The following PLAG1 variants were observed in gnomAD, a reference collection of about 807,000 sequenced individuals.
PLAG1 encodes the protein zinc finger protein PLAG1.
PLAG1 carries 7 observed loss-of-function variants against 35.5 expected under a neutral mutation model. That is an observed-to-expected ratio of 0.20 (90% CI 0.11 to 0.37). PLAG1 has a LOEUF of 0.37. Ranked by LOEUF, PLAG1 falls within the 10% of genes least tolerant of loss-of-function variation. The pLI is 1.00. For synonymous variants in PLAG1, 229 were observed against 225.4 expected, an observed-to-expected ratio of 1.02 and a Z score of -0.14; for missense variants, 454 against 602.8, an observed-to-expected ratio of 0.75 and a Z score of 2.58.
At position 56,160,974 on chromosome 8, in the gene PLAG1, CAT is replaced by C. The variant is rs910979770; in HGVS notation, c.*5267_*5268del. 2.8e-5 allele frequency: 5 copies of C among 179,350 alleles called. No individual in the cohort carries two copies. Among genetic ancestry groups the C allele is most frequent in the African/African-American group, 4.7e-5 (2 of 42,322 alleles). 11.1% of individuals were successfully genotyped at this position (179,350 alleles called of 1,614,324 possible). On this transcript the variant is annotated 3_prime_UTR_variant, in exon 5 of 5. Coordinates refer to ENST00000316981, the MANE Select transcript of PLAG1 (RefSeq NM_002655.3). ...TCACATATCTTATTCTTACAGCAAA[CAT>C]AACACTGTAGGCCACAAGAAGCTGC...
rs1262514135 is a variant in PLAG1, at chr8:56,196,945, AGTGTGCGTGTGTGTGTGTGTGT to A, written c.-322+14154_-322+14175del. Among the ~76,000 whole-genome samples the A allele has an allele frequency of 5.3e-3, 447 of 84,202 alleles. 1 individual carries two copies. Among genetic ancestry groups the A allele is most frequent in the African/African-American group, 0.018 (424 of 24,212 alleles). The allele number at this position is 84,202 out of a possible 152,430, so 55.2% of individuals were successfully genotyped here. A position where few individuals can be genotyped will look rare whatever the true frequency, so the allele number is the denominator to read the frequency against. On this transcript the variant is annotated intron_variant, in intron 1 of 4. Coordinates refer to ENST00000316981, the MANE Select transcript of PLAG1 (RefSeq NM_002655.3). ...GGGTGCAGGCACCCTCTCCCTCCCT[AGTGTGCGTGTGTGTGTGTGTGT>A]GTGTGTGTGTGTGTGTGTGTGCTCC...
intron 1 of PLAG1, among the ~76,000 whole-genome samples, chr8:56,207,076 T>C (rs1021632353): frequency 1.3e-5 from 2 of 152,006 alleles, no homozygotes; most frequent in Non-Finnish European, 2.9e-5. Flanking sequence ...TTTTTTTTCC[T>C]TGGGGATGTG....
In PLAG1 at chr8:56,167,589, C is replaced by T; in HGVS notation, c.243-86G>A. The T allele has an allele frequency of 1.3e-6, 1 of 787,202 alleles. No individual in the cohort carries two copies. The highest frequency in any genetic ancestry group is 2.0e-6 in the Non-Finnish European group (1 of 496,910). 48.8% of individuals were successfully genotyped at this position (787,202 alleles called of 1,614,324 possible). A position where few individuals can be genotyped will look rare whatever the true frequency, so the allele number is the denominator to read the frequency against. ...TTCAAATGGAAGCTAAACTACTATG[C>T]TAACACAGAATTCCCTTAGTAATGG... On this transcript the variant is annotated intron_variant, in intron 4 of 4. Transcript: ENST00000316981. This position sits in a 1 kb window ranked among gnomAD's most constrained non-coding sequence, Gnocchi z 5.9.
intron 1 of PLAG1, among the ~76,000 whole-genome samples, chr8:56,179,714 A>G (rs1048248005): frequency 3.9e-5 from 6 of 152,174 alleles, no homozygotes; most frequent in Non-Finnish European, 7.3e-5. Context: ...CTAGATTTAT[A>G]TATTTCCTCC....
intron 1 of PLAG1, among the ~76,000 whole-genome samples, chr8:56,203,027 C>G (rs113560031): frequency 3.9e-5 from 6 of 152,044 alleles, no homozygotes; most frequent in African/African-American, 1.4e-4. Flanking sequence ...GACATTCAAC[C>G]AAGTACTGAC....
chr8:56,206,307 G>A (rs1285847766), intron 1 of PLAG1, among the ~76,000 whole-genome samples: 1 of 151,822 alleles, frequency 6.6e-6, no homozygotes, highest in Non-Finnish European at 1.5e-5. Context: ...TTTCTACTAG[G>A]CTTTCATACA....
At chr8:56,195,332 T>C (rs185784269) in intron 1 of PLAG1, among the ~76,000 whole-genome samples, 192 of 152,298 alleles carry the variant, frequency 1.3e-3, no homozygotes, top group Non-Finnish European at 1.9e-3. Flanking sequence ...TAGGGAGCCA[T>C]TACCAGGATA....
At position 56,177,084 on chromosome 8, in the gene PLAG1, C is replaced by T. The variant is rs77990309; in HGVS notation, c.-217+2325G>A. Among the ~76,000 whole-genome samples, 1,131 of 151,988 alleles carry T rather than the reference C, an allele frequency of 7.4e-3. 58 individuals carry two copies. In the East Asian group the frequency reaches 0.14, roughly 19 times the overall value. ...TACTTAGCTATAAATATAAGTTGTACTTATCTATAAAAGCTCAAGCAGAAA... is the reference window on the plus strand; with the variant it reads ...TACTTAGCTATAAATATAAGTTGTATTTATCTATAAAAGCTCAAGCAGAAA... On this transcript the variant is annotated intron_variant, in intron 2 of 4. Coordinates refer to ENST00000316981, the MANE Select transcript of PLAG1 (RefSeq NM_002655.3).
At chr8:56,172,092 A>G (rs543196830) in intron 2 of PLAG1, among the ~76,000 whole-genome samples, 1 of 152,358 alleles carries the variant, frequency 6.6e-6, no homozygotes, top group East Asian at 1.9e-4. Flanking sequence ...ATAAAGGGAT[A>G]ATTAAATCAA....
At chr8:56,200,476 C>T in intron 1 of PLAG1, among the ~76,000 whole-genome samples, 1 of 152,224 alleles carries the variant, frequency 6.6e-6, no homozygotes, top group East Asian at 1.9e-4. Flanking sequence ...GCTAGTCTTA[C>T]ATCCATGGGG....
At chr8:56,210,147 T>C (rs2129237197) in intron 1 of PLAG1, among the ~76,000 whole-genome samples, 1 of 152,178 alleles carries the variant, frequency 6.6e-6, no homozygotes, top group East Asian at 1.9e-4. Context: ...CCTTCGAAAG[T>C]TTTAAAAAAT....
chr8:56,191,220 T>C (rs1812171974), intron 1 of PLAG1, among the ~76,000 whole-genome samples: 1 of 151,976 alleles, frequency 6.6e-6, no homozygotes, highest in South Asian at 2.1e-4. Flanking sequence ...AGCAGGAAGA[T>C]GAAGTAGAGA....
rs1456096340 is a variant in PLAG1, at chr8:56,162,726, T to A, written c.*3517A>T. 2 of 210,394 alleles carry A rather than the reference T, an allele frequency of 9.5e-6. No homozygotes were observed. The highest frequency in any genetic ancestry group is 2.3e-5 in the African/African-American group (1 of 44,090). The allele number at this position is 210,394 out of a possible 1,614,324, so 13.0% of individuals were successfully genotyped here. On this transcript the variant is annotated 3_prime_UTR_variant, in exon 5 of 5. Coordinates refer to ENST00000316981, the MANE Select transcript of PLAG1 (RefSeq NM_002655.3). Reference sequence around the variant, plus strand: ...CTAGATGAACGATCCTGAAAATATGTACTCTTTAACATTCATTATTAGCTT... The same window carrying A: ...CTAGATGAACGATCCTGAAAATATGAACTCTTTAACATTCATTATTAGCTT...
chr8:56,168,861 T>C (rs563350527), intron 3 of PLAG1, among the ~76,000 whole-genome samples: 2 of 152,166 alleles, frequency 1.3e-5, no homozygotes, highest in Non-Finnish European at 2.9e-5. Flanking sequence ...AAAACTCTTT[T>C]AGGCACCTTG....
chr8:56,179,099 A>G (rs1410086621), intron 2 of PLAG1, among the ~76,000 whole-genome samples: 1 of 151,784 alleles, frequency 6.6e-6, no homozygotes, highest in Non-Finnish European at 1.5e-5. Flanking sequence ...ATTTAGAGAA[A>G]GAAGAGCTTA....
At chr8:56,209,515 G>T (rs1812787712) in intron 1 of PLAG1, 1 of 152,236 alleles carries the variant, frequency 6.6e-6, no homozygotes, top group Admixed American at 6.5e-5. Context: ...TAAGAAAAGA[G>T]AAGCTGTCCC....
chr8:56,190,228 G>A (rs892304677), intron 1 of PLAG1, among the ~76,000 whole-genome samples: 16 of 152,202 alleles, frequency 1.1e-4, no homozygotes, highest in Non-Finnish European at 2.2e-4. Flanking sequence ...GGACTAGGGG[G>A]AAGATGGCAT....
intron 2 of PLAG1, among the ~76,000 whole-genome samples, chr8:56,171,875 G>A (rs1811534911): frequency 6.6e-6 from 1 of 152,186 alleles, no homozygotes; most frequent in East Asian, 1.9e-4. Flanking sequence ...AACTCTTAAA[G>A]TAGCTTATAA....
chr8:56,188,267 A>G (rs1217894564), intron 1 of PLAG1, among the ~76,000 whole-genome samples: 1 of 152,176 alleles, frequency 6.6e-6, no homozygotes, highest in East Asian at 1.9e-4. Context: ...GCCATTTGGT[A>G]TGCGGGGAAG....
Sources: gnomAD v4.1 joint callset for allele counts (sites outside exome capture counted in the v4.1 genomes callset) on GRCh38, gnomAD v4.1.1 for gene constraint, Gnocchi (gnomAD v3.1) non-coding constraint, MANE v1.5 for transcripts, NCBI Gene and HGNC (gene_info 2026-07-23, HGNC 2026-07-21) for gene names.